The following AHRR variants were observed in gnomAD, a reference collection of about 807,000 sequenced individuals.
The protein encoded by AHRR is ahR repressor.
Under a neutral mutation model 44.0 loss-of-function variants are expected in AHRR, and 28 were observed. That is an observed-to-expected ratio of 0.64 (90% CI 0.47 to 0.87). The LOEUF (loss-of-function observed/expected upper bound fraction) is 0.87. Among genes scored for constraint, AHRR ranks in the 40% least tolerant of loss-of-function variants. AHRR has a pLI of 0.00. For synonymous variants in AHRR, 434 were observed against 407.0 expected, an observed-to-expected ratio of 1.07 and a Z score of -0.80; for missense variants, 990 against 953.9, an observed-to-expected ratio of 1.04 and a Z score of -0.50.
intron 2 of AHRR, among the ~76,000 whole-genome samples, chr5:346,143 T>C (rs1181396508): frequency 6.6e-6 from 1 of 152,214 alleles, no homozygotes; most frequent in African/African-American, 2.4e-5. Context: ...GAACAAGCTC[T>C]AGCGGGGGAC....
At chr5:433,692 T>G (rs985520958) in intron 10 of AHRR, among the ~76,000 whole-genome samples, 161 bp from the exon 11 acceptor site, 1 of 151,972 alleles carries the variant, frequency 6.6e-6, no homozygotes, top group Non-Finnish European at 1.5e-5. Flanking sequence ...CCTGGGCTGC[T>G]GGGGGGGTTA....
chr5:432,145 C>G (rs917983309), intron 8 of AHRR: 1 of 343,016 alleles, frequency 2.9e-6, no homozygotes, highest in Admixed American at 4.5e-5. Context: ...ACCGTATTTT[C>G]TTTCTGGCCT....
At chr5:354,504 C>T (rs1316966435) in intron 3 of AHRR, among the ~76,000 whole-genome samples, 3 of 152,124 alleles carry the variant, frequency 2.0e-5, no homozygotes, top group African/African-American at 7.2e-5. Context: ...CCTCCCCAGG[C>T]CTGTGCCCTG....
rs946556356 is a variant in AHRR, at chr5:342,415, T to G, written c.-10-1478T>G. 3.9e-5 allele frequency among the ~76,000 whole-genome samples: 6 copies of G among 152,262 alleles called. No homozygotes were observed. Among genetic ancestry groups the G allele is most frequent in the Non-Finnish European group, 8.8e-5 (6 of 68,042 alleles). On this transcript the variant is annotated intron_variant, in intron 1 of 10. Transcript: ENST00000684583. This position sits in a 1 kb window ranked among gnomAD's most constrained non-coding sequence, Gnocchi z 4.3. ...CCTCTTTATTATTAAAGAATATACC[T>G]TTTTGTCTCTGGTGATATTCCTTGT... is the stretch of plus-strand genomic sequence containing the variant.
chr5:401,114 A>G (rs1195048916), intron 4 of AHRR, among the ~76,000 whole-genome samples: 2 of 152,218 alleles, frequency 1.3e-5, no homozygotes, highest in Non-Finnish European at 2.9e-5. Context: ...CCCCCAGGCC[A>G]CATGGCCCCC....
chr5:340,890 G>A (rs67979329), intron 1 of AHRR, among the ~76,000 whole-genome samples: 60,298 of 145,054 alleles, frequency 0.42, 14,330 homozygotes, highest in Non-Finnish European at 0.55. Context: ...TAGAGACAGG[G>A]TTTCACCATG....
Position 420,950 on chromosome 5 carries a change from G to A in AHRR, c.442-1779G>A, listed in dbSNP as rs144961387. On this transcript the variant is annotated intron_variant, in intron 5 of 10. Transcript: ENST00000684583. ...CACGCAGCCACCCACCCACACAGGC[G>A]CACATACGCTGGCACCGCTGAACAG... The A allele has an allele frequency of 1.2e-3, 338 of 284,312 alleles. 2 individuals are homozygous for A. The highest frequency in any genetic ancestry group is 8.5e-3 in the African/African-American group (308 of 36,072). The allele number at this position is 284,312 out of a possible 1,614,324, so 17.6% of individuals were successfully genotyped here.
At chr5:374,230 G>A (rs1201494497) in intron 3 of AHRR, among the ~76,000 whole-genome samples, 1 of 152,180 alleles carries the variant, frequency 6.6e-6, no homozygotes, top group Non-Finnish European at 1.5e-5. Flanking sequence ...CTCACGGGGC[G>A]ACCCCAGCAG....
chr5:331,083 G>A (rs1741895703), intron 1 of AHRR, among the ~76,000 whole-genome samples: 1 of 151,644 alleles, frequency 6.6e-6, no homozygotes. Context: ...CACCATGTTG[G>A]CCAGGATGAT....
chr5:359,919 C>G (rs973729034), intron 3 of AHRR, among the ~76,000 whole-genome samples: 3 of 152,180 alleles, frequency 2.0e-5, no homozygotes, highest in African/African-American at 7.2e-5. Flanking sequence ...TGTGTAAACC[C>G]AGGCCTGAAG....
chr5:393,508 G>A (rs958569751), intron 4 of AHRR, among the ~76,000 whole-genome samples: 3 of 152,376 alleles, frequency 2.0e-5, no homozygotes, highest in South Asian at 4.1e-4. Flanking sequence ...CAGAGCTCCA[G>A]GCTGAAGCCT....
At chr5:344,522 GTGGGGGGC>G in intron 2 of AHRR, among the ~76,000 whole-genome samples, 14 of 1,548 alleles carry the variant, frequency 9.0e-3, no homozygotes, top group Non-Finnish European at 0.012. Context: ...GTGTGAGGCT[GTGGGGGGC>G]TGTGTGTGGG....
In AHRR at chr5:383,937, A is replaced by G. The variant is rs1320720927; in HGVS notation, c.351+7221A>G. Among the ~76,000 whole-genome samples the G allele has an allele frequency of 6.6e-6, 1 of 151,956 alleles. No homozygotes were observed. Among genetic ancestry groups the G allele is most frequent in the Non-Finnish European group, 1.5e-5 (1 of 67,980 alleles). The stretch of plus-strand genomic sequence containing the variant: ...TTTTTACTTTTAATCAATTTATGTC[A>G]TTATATTAAAAGTGTGTGTTTTGTT... On this transcript the variant is annotated intron_variant, in intron 4 of 10. Transcript: ENST00000684583. This position sits in a 1 kb window ranked among gnomAD's most constrained non-coding sequence, Gnocchi z 4.0.
At chr5:424,254 G>C (rs1736279292) in intron 7 of AHRR, among the ~76,000 whole-genome samples, 1 of 148,402 alleles carries the variant, frequency 6.7e-6, no homozygotes, top group Admixed American at 6.8e-5. Context: ...GGGGGCGAGG[G>C]CCGGTGCTGA....
intron 3 of AHRR, among the ~76,000 whole-genome samples, chr5:363,430 C>T (rs1482381528): frequency 2.0e-5 from 3 of 152,154 alleles, no homozygotes; most frequent in East Asian, 1.9e-4. Flanking sequence ...CCTAGGTGGC[C>T]GTGGTACCTC....
Position 434,094 on chromosome 5 carries a change from C to G in AHRR, c.1354C>G (p.Pro452Ala). ...GTFRNSPISHPPSPSPSAYSS... is the reference protein window; with the variant it reads ...GTFRNSPISHAPSPSPSAYSS... ...TTTCAGGAACTCGCCCATCTCTCACCCGCCGAGCCCGTCCCCCAGTGCCTA... is the reference window on the plus strand; with the variant it reads ...TTTCAGGAACTCGCCCATCTCTCACGCGCCGAGCCCGTCCCCCAGTGCCTA... Residue 452 changes from proline (P) to alanine (A), a missense_variant, in exon 11 of 11, where the codon CCG (proline) becomes GCG (alanine). Transcript: ENST00000684583. 1 of 1,613,110 alleles carries G rather than the reference C, an allele frequency of 6.2e-7. No individual in the cohort carries two copies. Among genetic ancestry groups the G allele is most frequent in the Non-Finnish European group, 8.5e-7 (1 of 1,179,974 alleles).
At chr5:353,694 G>A (rs1187964243) in intron 2 of AHRR, 36 bp from the exon 3 acceptor site, 2 of 1,572,246 alleles carry the variant, frequency 1.3e-6, no homozygotes, top group African/African-American at 2.7e-5. Context: ...GGCTTCTGGT[G>A]GAGAAGCCCA....
intron 4 of AHRR, among the ~76,000 whole-genome samples, chr5:398,670 C>T (rs1384096707): frequency 2.6e-5 from 4 of 152,156 alleles, no homozygotes; most frequent in South Asian, 2.1e-4. Context: ...GCGTGCCCCA[C>T]CCCCCTTGGC....
chr5:340,681 TATA>T (rs1415878234), intron 1 of AHRR, among the ~76,000 whole-genome samples: 4 of 32,184 alleles, frequency 1.2e-4, no homozygotes, highest in South Asian at 1.1e-3. Context: ...TATATATATA[TATA>T]TATATTTTTT....
Sources: gnomAD v4.1 joint callset for allele counts (sites outside exome capture counted in the v4.1 genomes callset) on GRCh38, gnomAD v4.1.1 for gene constraint, Gnocchi (gnomAD v3.1) non-coding constraint, MANE v1.5 for transcripts, NCBI Gene and HGNC (gene_info 2026-07-23, HGNC 2026-07-21) for gene names.